Variants in TUSC3 observed in about 807,000 individuals in gnomAD.
TUSC3 encodes tumor suppressor candidate 3, also known as dolichyl-diphosphooligosaccharide--protein glycosyltransferase subunit TUSC3.
A neutral mutation model predicts 44.8 loss-of-function variants in TUSC3; 45 were observed. That is an observed-to-expected ratio of 1.00 (90% CI 0.79 to 1.29). The LOEUF is 1.29. Among genes scored for constraint, TUSC3 ranks in the 50% most tolerant of loss-of-function variants. The pLI, the probability that TUSC3 is intolerant of heterozygous loss-of-function variation, is 0.00. For synonymous variants in TUSC3, 212 were observed against 152.9 expected (o/e 1.39, Z -2.85); for missense variants, 519 against 437.9 (o/e 1.19, Z -1.65).
chr8:15,616,756 A>G (rs1236303711), intron 1 of TUSC3, among the ~76,000 whole-genome samples: 2 of 151,842 alleles, frequency 1.3e-5, no homozygotes, highest in Non-Finnish European at 2.9e-5. Context: ...GAGCCCTAAC[A>G]CCCCTTGGTG....
chr8:15,783,418 C>T, the TUSC3 span, among the ~76,000 whole-genome samples: 98 of 152,168 alleles, frequency 6.4e-4, no homozygotes, highest in African/African-American at 1.5e-3. Context: ...ATAGCTGAAG[C>T]AATCATGAGC....
rs570369055 is a variant in TUSC3 at position 15,446,434 on chromosome 8, C to T, written n.91+29129C>T. Among the ~76,000 whole-genome samples, 211 of 152,148 alleles carry T rather than the reference C, an allele frequency of 1.4e-3. 1 individual carries two copies. The highest frequency in any genetic ancestry group is 7.5e-3 in the South Asian group (36 of 4,822). On this transcript the variant is annotated intron_variant and non_coding_transcript_variant, in intron 1 of 5. Coordinates refer to the TUSC3 transcript ENST00000503191. ...TCACGCCACTGCACTCCAGCCTGGG[C>T]AACATTGAGCACTGAGTGAGCGAGA...
At position 15,545,899 on chromosome 8, in the gene TUSC3, G is replaced by A. The variant is rs570709008; in HGVS notation, c.138+5331G>A. On this transcript the variant is annotated intron_variant, in intron 1 of 10. Coordinates refer to ENST00000503731, the MANE Select transcript of TUSC3 (RefSeq NM_006765.4). ...TCTTCAGCGTTTATTTGGCATGTCAGACTATCTCAGACTATCAGATATCTC... is the reference window on the plus strand; with the variant it reads ...TCTTCAGCGTTTATTTGGCATGTCAAACTATCTCAGACTATCAGATATCTC... Among the ~76,000 whole-genome samples the A allele has an allele frequency of 2.9e-4, 44 of 151,856 alleles. 2 individuals carry two copies. Among genetic ancestry groups the A allele is most frequent in the Non-Finnish European group, 3.8e-4 (26 of 67,920 alleles).
rs1046941165 is a variant in TUSC3, at chr8:15,658,751, T to G, written c.427-756T>G. ...TATATATTTGTAGTTTATTGCTTAC[T>G]GCAAATTAACCTAATATATGTTTTT... On this transcript the variant is annotated intron_variant, in intron 3 of 10. Coordinates refer to ENST00000503731, the MANE Select transcript of TUSC3 (RefSeq NM_006765.4). Among the ~76,000 whole-genome samples the G allele has an allele frequency of 4.6e-5, 7 of 151,938 alleles. 1 individual carries two copies. The highest frequency in any genetic ancestry group is 2.6e-4 in the Admixed American group (4 of 15,230).
At chr8:15,843,283 T>G in the TUSC3 span, among the ~76,000 whole-genome samples, 90 of 152,274 alleles carry the variant, frequency 5.9e-4, no homozygotes, top group African/African-American at 2.0e-3. Context: ...AAAATATGTT[T>G]TCTGATAAAA....
upstream of TUSC3, among the ~76,000 whole-genome samples, chr8:15,539,119 G>A (rs1229932593): frequency 2.0e-5 from 3 of 151,774 alleles, no homozygotes; most frequent in Non-Finnish European, 2.9e-5. Context: ...AAAGCATTGG[G>A]TTTACAGGTG....
intron 2 of TUSC3, among the ~76,000 whole-genome samples, chr8:15,629,459 A>C (rs2129167248): frequency 6.6e-6 from 1 of 152,186 alleles, no homozygotes; most frequent in African/African-American, 2.4e-5. Flanking sequence ...TTTTCAAGAA[A>C]AATTATTCAA....
At chr8:15,466,639 A>C (rs1312128662) in intron 1 of TUSC3, among the ~76,000 whole-genome samples, 1 of 152,164 alleles carries the variant, frequency 6.6e-6, no homozygotes, top group Non-Finnish European at 1.5e-5. Flanking sequence ...CAACTTAGAG[A>C]ATGTCTCAAA....
intron 1 of TUSC3, 26 bp from the exon 2 acceptor site, chr8:15,623,048 TTGTAAA>T: frequency 6.2e-7 from 1 of 1,609,838 alleles, no homozygotes; most frequent in Non-Finnish European, 8.5e-7. Context: ...CTTTGACTCT[TTGTAAA>T]TGTTAATTTC....
chr8:15,598,473 C>T (rs1256606359), intron 1 of TUSC3, among the ~76,000 whole-genome samples: 1 of 151,748 alleles, frequency 6.6e-6, no homozygotes, highest in Non-Finnish European at 1.5e-5. Context: ...ATCATAATTA[C>T]CCAAAGTCTG....
chr8:15,846,366 C>T, the TUSC3 span, among the ~76,000 whole-genome samples: 1 of 152,128 alleles, frequency 6.6e-6, no homozygotes, highest in Non-Finnish European at 1.5e-5. Flanking sequence ...ATTACTGCTA[C>T]TGAATATATA....
chr8:15,828,354 A>G, the TUSC3 span, among the ~76,000 whole-genome samples: 2 of 152,180 alleles, frequency 1.3e-5, no homozygotes, highest in Non-Finnish European at 2.9e-5. Flanking sequence ...TTTTATATCA[A>G]CATCTGTAGG....
chr8:15,675,686 G>A (rs2129184029), intron 6 of TUSC3, among the ~76,000 whole-genome samples: 1 of 152,206 alleles, frequency 6.6e-6, no homozygotes, highest in East Asian at 1.9e-4. Flanking sequence ...ATAAGAACGT[G>A]CAGTACTTGA....
chr8:15,613,577 C>T (rs1014763053), intron 1 of TUSC3, among the ~76,000 whole-genome samples: 10 of 152,106 alleles, frequency 6.6e-5, no homozygotes, highest in Non-Finnish European at 1.5e-4. Flanking sequence ...CTTTGCTGTT[C>T]TTCGTCTTCT....
At chr8:15,810,459 G>A in the TUSC3 span, among the ~76,000 whole-genome samples, 16 of 152,000 alleles carry the variant, frequency 1.1e-4, no homozygotes, top group African/African-American at 3.6e-4. Context: ...GCAACATAGG[G>A]AGATGTACTC....
intron 2 of TUSC3, among the ~76,000 whole-genome samples, chr8:15,505,466 T>C (rs946170352): frequency 1.3e-5 from 2 of 152,238 alleles, no homozygotes; most frequent in Non-Finnish European, 2.9e-5. Context: ...CCATTTTTAT[T>C]CCTGTTGGTA....
chr8:15,540,589 C>A, intron 1 of TUSC3, 21 bp downstream of exon 1: 2 of 1,539,910 alleles, frequency 1.3e-6, no homozygotes, highest in South Asian at 1.2e-5. Flanking sequence ...TCCCCTTGGC[C>A]TTCCCCTGTG....
At chr8:15,424,175 G>C (rs1270366986) in intron 1 of TUSC3, among the ~76,000 whole-genome samples, 3 of 151,574 alleles carry the variant, frequency 2.0e-5, no homozygotes, top group African/African-American at 7.3e-5. Context: ...TTTTAGTATA[G>C]AGGGGGTTTC....
the TUSC3 span, among the ~76,000 whole-genome samples, chr8:15,839,548 C>T: frequency 1.3e-5 from 2 of 152,086 alleles, no homozygotes; most frequent in Non-Finnish European, 2.9e-5. Context: ...CAAACGACCC[C>T]ATCAACAAGT....
Sources: gnomAD v4.1 joint callset for allele counts (sites outside exome capture counted in the v4.1 genomes callset) on GRCh38, gnomAD v4.1.1 for gene constraint, MANE v1.5 for transcripts, NCBI Gene and HGNC (gene_info 2026-07-23, HGNC 2026-07-21) for gene names.